The following DNAJC13 variants were observed in gnomAD, a reference collection of about 807,000 sequenced individuals.
DNAJC13 encodes DnaJ heat shock protein family (Hsp40) member C13, also known as dnaJ homolog subfamily C member 13.
DNAJC13 carries 75 observed loss-of-function variants against 290.5 expected under a neutral mutation model. The ratio of observed to expected loss-of-function variants is 0.26; its 90% CI spans 0.21 to 0.31. The LOEUF (loss-of-function observed/expected upper bound fraction) is 0.31. Among genes scored for constraint, DNAJC13 ranks in the 10% least tolerant of loss-of-function variants. The pLI, the probability that DNAJC13 is intolerant of heterozygous loss-of-function variation, is 1.00. For synonymous variants in DNAJC13, 862 were observed against 892.0 expected, an observed-to-expected ratio of 0.97 and a Z score of 0.60; for missense variants, 2,260 against 2,674.5, an observed-to-expected ratio of 0.85 and a Z score of 3.42.
chr3:132,436,171 T>C (rs970407434), intron 2 of DNAJC13, among the ~76,000 whole-genome samples: 1 of 152,204 alleles, frequency 6.6e-6, no homozygotes, highest in African/African-American at 2.4e-5. Flanking sequence ...TCGCCTTCCC[T>C]GCAAAAAACT....
In DNAJC13 at chr3:132,465,564, C is replaced by G. The variant is rs1245422958; in HGVS notation, c.1893-431C>G. Among the ~76,000 whole-genome samples the G allele has an allele frequency of 2.6e-5, 4 of 152,046 alleles. No individual in the cohort carries two copies. In the East Asian group the frequency reaches 7.7e-4, roughly 29 times the overall value. Reference sequence around the variant, plus strand: ...AAAATAATTTTCTCTCTGATCTTGCCAAAACGGTTATATTAGAACAGTTGT... The same window carrying G: ...AAAATAATTTTCTCTCTGATCTTGCGAAAACGGTTATATTAGAACAGTTGT... On this transcript the variant is annotated intron_variant, in intron 17 of 55. Coordinates refer to ENST00000260818, the MANE Select transcript of DNAJC13 (RefSeq NM_015268.4).
chr3:132,451,429 G>T (rs1462959972), intron 6 of DNAJC13, among the ~76,000 whole-genome samples: 1 of 152,178 alleles, frequency 6.6e-6, no homozygotes, highest in Non-Finnish European at 1.5e-5. Flanking sequence ...TTCATTGCGT[G>T]TTTTTGTTCT....
chr3:132,504,483 A>AC (rs1935525606), intron 41 of DNAJC13, among the ~76,000 whole-genome samples: 2 of 152,156 alleles, frequency 1.3e-5, no homozygotes, highest in South Asian at 4.1e-4. Flanking sequence ...TTTGGGATTA[A>AC]CCTTTATAGC....
intron 26 of DNAJC13, among the ~76,000 whole-genome samples, chr3:132,481,173 C>T (rs892287709): frequency 1.2e-4 from 19 of 152,146 alleles, no homozygotes; most frequent in Admixed American, 4.6e-4. Flanking sequence ...AGAGTTAAGA[C>T]CCAGAAGTCT....
intron 53 of DNAJC13, 95 bp downstream of exon 53, chr3:132,526,376 A>C (rs113298246): frequency 6.7e-7 from 1 of 1,486,344 alleles, no homozygotes; most frequent in Non-Finnish European, 9.1e-7. Flanking sequence ...CCTTGACTTA[A>C]GGTTGGTGAG....
Position 132,456,374 on chromosome 3 carries a change from C to A in DNAJC13, c.1072C>A (p.His358Asn). Residue 358 changes from histidine to asparagine, a missense_variant, in exon 10 of 56, where the codon CAC (histidine) becomes AAC (asparagine). Physicochemically the swap from His to Asn is moderately conservative, Grantham distance 68. Around this residue, in one of 3 missense-constraint regions of DNAJC13, gnomAD observed 762 missense variants for 964.1 expected, o/e 0.79. Transcript: ENST00000260818. The stretch of plus-strand genomic sequence containing the variant: ...TGTTGATGAGGAAGTAGAGAGCCTT[C>A]ACCTCAGGTTCTTAGCTACGCCTCC... Reference protein sequence around the residue: ...MPVDEEVESLHLRFLATPPNG... With the variant: ...MPVDEEVESLNLRFLATPPNG... The A allele has an allele frequency of 6.2e-7, 1 of 1,613,650 alleles. No homozygotes were observed. Among genetic ancestry groups the A allele is most frequent in the Non-Finnish European group, 8.5e-7 (1 of 1,179,798 alleles).
chr3:132,464,532 G>T (rs1211695324), intron 17 of DNAJC13, among the ~76,000 whole-genome samples: 1 of 151,992 alleles, frequency 6.6e-6, no homozygotes, highest in Non-Finnish European at 1.5e-5. Flanking sequence ...TAAACGTTTA[G>T]TTTGTTACAA....
At chr3:132,458,042 G>A (rs958075136) in intron 13 of DNAJC13, 4 of 152,144 alleles carry the variant, frequency 2.6e-5, no homozygotes, top group Admixed American at 2.0e-4. Flanking sequence ...ACCCACACTG[G>A]TAGTATGTGG....
chr3:132,518,411 G>A (rs947613993), intron 48 of DNAJC13, among the ~76,000 whole-genome samples: 2 of 152,098 alleles, frequency 1.3e-5, no homozygotes, highest in African/African-American at 4.8e-5. Flanking sequence ...AAAGTGCAGT[G>A]GTGCAATCTT....
At chr3:132,425,639 C>G (rs1351019546) in intron 1 of DNAJC13, among the ~76,000 whole-genome samples, 1 of 152,124 alleles carries the variant, frequency 6.6e-6, no homozygotes, top group African/African-American at 2.4e-5. Flanking sequence ...AGTAGCTTAC[C>G]TGTTCTCTGC....
rs1388424233 is a variant in DNAJC13, at chr3:132,507,277, G to A, written c.5039G>A (p.Ser1680Asn). The A allele has an allele frequency of 1.9e-6, 3 of 1,613,364 alleles. No individual in the cohort carries two copies. The African/African-American group carries it at 4.0e-5, about 22-fold the overall frequency. Reference sequence around the variant, plus strand: ...ACTTATGGATCAGAATTTGTCTACAGTGATCATGCCAAAGAACTTATTGTA... The same window carrying A: ...ACTTATGGATCAGAATTTGTCTACAATGATCATGCCAAAGAACTTATTGTA... ...DKTYGSEFVY[S>N]DHAKELIVGE... Residue 1680 changes from serine to asparagine, a missense_variant, in exon 43 of 56, where the codon AGT (serine) becomes AAT (asparagine). By Grantham distance (46) the Ser-to-Asn change is conservative. This residue lies in a region of DNAJC13 where 1,494 missense variants were observed against 1,693.7 expected (regional missense o/e 0.88). Transcript: ENST00000260818.
intron 5 of DNAJC13, among the ~76,000 whole-genome samples, chr3:132,449,725 T>C (rs1933363149): frequency 6.6e-6 from 1 of 152,176 alleles, no homozygotes; most frequent in African/African-American, 2.4e-5. Flanking sequence ...GTATCAGAAA[T>C]AGTTGTACTC....
chr3:132,493,938 G>A (rs1466942354), intron 33 of DNAJC13, among the ~76,000 whole-genome samples: 1 of 152,010 alleles, frequency 6.6e-6, no homozygotes, highest in Non-Finnish European at 1.5e-5. Flanking sequence ...TTTAAATAGA[G>A]GAATATTGCC....
chr3:132,453,602 C>G lies in DNAJC13; in HGVS notation c.748C>G (p.Pro250Ala), dbSNP rs1320949323. Residue 250 changes from proline to alanine, a missense_variant, in exon 8 of 56, where the codon CCT becomes GCT. Transcript: ENST00000260818. Reference protein sequence around the residue: ...VQKISPRHSEPVKRVLALTET... With the variant: ...VQKISPRHSEAVKRVLALTET... ...GTCTCAATTTTATTTTTTGAAGGAG[C>G]CTGTTAAAAGAGTTCTAGCACTTAC... is the stretch of plus-strand genomic sequence containing the variant. 4.4e-6 allele frequency: 7 copies of G among 1,609,188 alleles called. No individual in the cohort carries two copies. Among genetic ancestry groups the G allele is most frequent in the East Asian group, 4.5e-5 (2 of 44,804 alleles).
intron 2 of DNAJC13, among the ~76,000 whole-genome samples, chr3:132,437,546 G>A (rs1939414121): frequency 2.0e-5 from 3 of 152,148 alleles, no homozygotes; most frequent in African/African-American, 7.2e-5. Context: ...ATCCAGTTGT[G>A]CCAGCATCAT....
chr3:132,456,112 C>A (rs1933590285), intron 9 of DNAJC13, 123 bp from the exon 10 acceptor site: 2 of 793,438 alleles, frequency 2.5e-6, no homozygotes, highest in African/African-American at 1.7e-5. Context: ...GTTTGTGTTT[C>A]CCATTGTAAC....
chr3:132,477,338 T>TG (rs1159221613), intron 22 of DNAJC13, among the ~76,000 whole-genome samples: 2 of 152,294 alleles, frequency 1.3e-5, no homozygotes, highest in Admixed American at 1.3e-4. Flanking sequence ...TGTAGTAACA[T>TG]GGGGTGATTT....
Position 132,462,451 on chromosome 3 carries a change from C to T in DNAJC13, c.1714-16C>T. ...TCTTTTTTATTTTTTGATACTTTTTCCCCCTCACTTTAAAGCATCCTTCCA... is the reference window on the plus strand; with the variant it reads ...TCTTTTTTATTTTTTGATACTTTTTTCCCCTCACTTTAAAGCATCCTTCCA... On this transcript the variant is annotated splice_polypyrimidine_tract_variant and intron_variant, in intron 15 of 55. Transcript: ENST00000260818. 6.2e-7 allele frequency: 1 copy of T among 1,604,090 alleles called. No homozygotes were observed. Among genetic ancestry groups the T allele is most frequent in the South Asian group, 1.1e-5 (1 of 88,960 alleles).
In DNAJC13 at chr3:132,503,245, T is replaced by C; in HGVS notation, c.4748T>C (p.Val1583Ala). 2 of 1,614,126 alleles carry C rather than the reference T, an allele frequency of 1.2e-6. No homozygotes were observed. Among genetic ancestry groups the C allele is most frequent in the Non-Finnish European group, 1.7e-6 (2 of 1,179,972 alleles). ...EVANSLAKLS[V>A]HALSRLGGYL... is the part of the protein sequence containing the mutation. ...GCAAACAGCCTTGCCAAACTGAGTG[T>C]CCATGCTCTGAGTCGCCTTGGAGGG... Residue 1583 changes from valine to alanine, a missense_variant, in exon 41 of 56, where the codon GTC becomes GCC. Val to Ala is a moderately conservative substitution (Grantham distance 64, BLOSUM62 0). Transcript: ENST00000260818.
Sources: gnomAD v4.1 joint callset for allele counts (sites outside exome capture counted in the v4.1 genomes callset) on GRCh38, gnomAD v4.1.1 for gene constraint, gnomAD v4.1.1 regional missense constraint, MANE v1.5 for transcripts, NCBI Gene and HGNC (gene_info 2026-07-23, HGNC 2026-07-21) for gene names.